The following UNC13B variants were observed in gnomAD, a reference collection of about 807,000 sequenced individuals.
UNC13B encodes protein unc-13 homolog B.
Under a neutral mutation model 211.0 loss-of-function variants are expected in UNC13B, and 144 were observed. That is an observed-to-expected ratio of 0.68 (90% CI 0.60 to 0.78). UNC13B has a LOEUF of 0.78. UNC13B is among the 30% of genes least tolerant of loss of function. The pLI, the probability that UNC13B is intolerant of heterozygous loss-of-function variation, is 0.00. For missense variants in UNC13B, 1,777 were observed against 2,002.0 expected (o/e 0.89, Z 2.14); for synonymous variants, 709 against 725.8 (o/e 0.98, Z 0.37).
intron 7 of UNC13B, among the ~76,000 whole-genome samples, chr9:35,271,463 G>A (rs1026297573): frequency 3.9e-5 from 6 of 152,062 alleles, no homozygotes; most frequent in African/African-American, 1.4e-4. Context: ...AATCTGATTT[G>A]CATATTTGAT....
intron 6 of UNC13B, among the ~76,000 whole-genome samples, chr9:35,252,801 G>C (rs971750765): frequency 6.6e-6 from 1 of 151,996 alleles, no homozygotes; most frequent in East Asian, 2.0e-4. Flanking sequence ...GTGTTGGCAG[G>C]TGCCTGTAGT....
chr9:35,171,362 A>T (rs1177214060), intron 1 of UNC13B, among the ~76,000 whole-genome samples: 5 of 152,156 alleles, frequency 3.3e-5, no homozygotes, highest in Non-Finnish European at 1.5e-5. Flanking sequence ...TTGGCCTCCC[A>T]AAGTGTTGGG....
chr9:35,385,409 AAAG>A (rs1835124073), intron 22 of UNC13B: 10 of 985,418 alleles, frequency 1.0e-5, no homozygotes, highest in Non-Finnish European at 1.2e-5. Context: ...ATCCAAGAAA[AAAG>A]CATGTGTGTA....
chr9:35,179,513 A>G (rs1234160291), intron 1 of UNC13B, among the ~76,000 whole-genome samples: 1 of 152,130 alleles, frequency 6.6e-6, no homozygotes, highest in Non-Finnish European at 1.5e-5. Context: ...TCTTCTGGCC[A>G]GGTGCAGTGG....
At chr9:35,269,038 C>T (rs1361828911) in intron 7 of UNC13B, among the ~76,000 whole-genome samples, 1 of 152,188 alleles carries the variant, frequency 6.6e-6, no homozygotes, top group Non-Finnish European at 1.5e-5. Context: ...CTAACATCAA[C>T]TGAGTGTCTC....
chr9:35,262,881 C>T (rs981734620), intron 7 of UNC13B, among the ~76,000 whole-genome samples: 1 of 151,952 alleles, frequency 6.6e-6, no homozygotes, highest in Non-Finnish European at 1.5e-5. Context: ...TGCAGTGAGC[C>T]GTGATCATGC....
rs575935346 is a variant in UNC13B at position 35,306,971 on chromosome 9, A to C, written c.7567A>C (p.Lys2523Gln). 2.5e-6 allele frequency: 1 copy of C among 398,918 alleles called. No homozygotes were observed. The highest frequency in any genetic ancestry group is 4.4e-6 in the Non-Finnish European group (1 of 226,080). 24.7% of individuals were successfully genotyped at this position (398,918 alleles called of 1,614,324 possible). The change falls in exon 9 of 40, where the codon AAA (lysine) becomes CAA (glutamine). Residue 2523 changes from lysine to glutamine, a missense_variant. Transcript: ENST00000635942. ...IFKSPKPEPY[K>Q]QESSLPATSW... Reference sequence around the variant, plus strand: ...CAAAAGTCCCAAGCCAGAGCCATACAAACAAGAATCATCTCTCCCAGCTAC... The same window carrying C: ...CAAAAGTCCCAAGCCAGAGCCATACCAACAAGAATCATCTCTCCCAGCTAC...
chr9:35,400,358 G>A lies in UNC13B; in HGVS notation c.12399G>A (p.Leu4133=). The A allele has an allele frequency of 6.2e-7, 1 of 1,614,128 alleles. No homozygotes were observed. Among genetic ancestry groups the A allele is most frequent in the Non-Finnish European group, 8.5e-7 (1 of 1,179,992 alleles). Residue 4133 remains leucine (L), a synonymous_variant, in exon 37 of 40, where the codon CTG becomes CTA. Coordinates refer to ENST00000635942, the MANE Select transcript of UNC13B (RefSeq NM_001371189.2). ...CCTTCCTGGAGAAGAGCCCAGATCT[G>A]CAGTCTCTACGCTATGCCCTGTCTC... is the stretch of plus-strand genomic sequence containing the variant. ...KKTFLEKSPD[L]QSLRYALSLY...
chr9:35,404,187 T>C lies in UNC13B; in HGVS notation c.*154T>C. ...GGAAAAATTTGGGGTGGTGATAATA[T>C]GGCTTTTCACAGAAAGGGTCATGAA... On this transcript the variant is annotated 3_prime_UTR_variant, in exon 40 of 40. Transcript: ENST00000635942. The C allele has an allele frequency of 4.8e-6, 5 of 1,034,150 alleles. No homozygotes were observed. Among genetic ancestry groups the C allele is most frequent in the Non-Finnish European group, 5.5e-6 (4 of 732,828 alleles). 64.1% of individuals were successfully genotyped at this position (1,034,150 alleles called of 1,614,324 possible). A position where few individuals can be genotyped will look rare whatever the true frequency, so the allele number is the denominator to read the frequency against.
Position 35,306,730 on chromosome 9 carries a change from A to G in UNC13B, c.7326A>G (p.Ala2442=). 1 of 399,084 alleles carries G rather than the reference A, an allele frequency of 2.5e-6. No individual in the cohort carries two copies. The highest frequency in any genetic ancestry group is 4.4e-6 in the Non-Finnish European group (1 of 226,070). 24.7% of individuals were successfully genotyped at this position (399,084 alleles called of 1,614,324 possible). ...GCAGNLQNQD[A]DKEEDKFALG... ...CAGGGAACCTTCAGAACCAAGATGC[A>G]GATAAAGAGGAAGACAAATTTGCAT... Residue 2442 remains alanine, a synonymous_variant, in exon 9 of 40, where the codon GCA becomes GCG. Coordinates refer to ENST00000635942, the MANE Select transcript of UNC13B (RefSeq NM_001371189.2).
In UNC13B at chr9:35,328,646, TCCTTCCTTCCTTCCTTCCTC is replaced by T. The variant is rs771740856; in HGVS notation, c.9414+14661_9414+14680del. On this transcript the variant is annotated intron_variant, in intron 11 of 39. Coordinates refer to ENST00000635942, the MANE Select transcript of UNC13B (RefSeq NM_001371189.2). ...TTCCTTCCTTCCTTCCTTCCTTCCTTCCTTCCTTCCTTCCTTCCTCCCTCCCTTCCTTCCCTTCCCTTTCT... is the reference window on the plus strand; with the variant it reads ...TTCCTTCCTTCCTTCCTTCCTTCCTTCCTCCCTTCCTTCCCTTCCCTTTCT... 9.8e-4 allele frequency among the ~76,000 whole-genome samples: 82 copies of T among 83,982 alleles called. 5 individuals carry two copies. Among genetic ancestry groups the T allele is most frequent in the African/African-American group, 2.9e-3 (59 of 20,058 alleles). 55.1% of individuals were successfully genotyped at this position (83,982 alleles called of 152,430 possible).
rs112890425 is a variant in UNC13B, at chr9:35,368,188, T to G, written c.9461+1195T>G. Among the ~76,000 whole-genome samples the G allele has an allele frequency of 8.5e-3, 1,292 of 152,320 alleles. 7 individuals carry two copies. The highest frequency in any genetic ancestry group is 0.029 in the African/African-American group (1,222 of 41,566). Reference sequence around the variant, plus strand: ...CCCAAGTACTATAACAATAGTTATTTTTTCTGCTCCTCTCCCTCCTCCTAC... The same window carrying G: ...CCCAAGTACTATAACAATAGTTATTGTTTCTGCTCCTCTCCCTCCTCCTAC... On this transcript the variant is annotated intron_variant, in intron 12 of 39. Transcript: ENST00000635942.
rs367864040 is a variant in UNC13B, at chr9:35,333,901, C to G, written c.9414+19912C>G. ...CAGGAGCTCTGTCATTTGGAACAAA[C>G]TTGGGAATGAAAAGTCAGGTTGAGA... On this transcript the variant is annotated intron_variant, in intron 11 of 39. Coordinates refer to ENST00000635942, the MANE Select transcript of UNC13B (RefSeq NM_001371189.2). 7.3e-4 allele frequency among the ~76,000 whole-genome samples: 111 copies of G among 152,166 alleles called. 1 individual carries two copies. In the South Asian group the frequency reaches 0.018, roughly 25 times the overall value.
In UNC13B at chr9:35,256,616, A is replaced by G. The variant is rs148129837; in HGVS notation, c.469-2377A>G. 3.9e-5 allele frequency among the ~76,000 whole-genome samples: 6 copies of G among 152,178 alleles called. No homozygotes were observed. The East Asian group carries it at 1.2e-3, about 29-fold the overall frequency. ...TAGTTTTTCTCTTTTGATCTGTTTAATATGGTGAATTATATGAGTAGATTT... is the reference window on the plus strand; with the variant it reads ...TAGTTTTTCTCTTTTGATCTGTTTAGTATGGTGAATTATATGAGTAGATTT... On this transcript the variant is annotated intron_variant, in intron 6 of 39. Coordinates refer to ENST00000635942, the MANE Select transcript of UNC13B (RefSeq NM_001371189.2).
At chr9:35,365,169 C>G (rs1358911675) in intron 11 of UNC13B, among the ~76,000 whole-genome samples, 2 of 152,234 alleles carry the variant, frequency 1.3e-5, no homozygotes. Context: ...CCTGTGCTTG[C>G]AAGCACTGGC....
chr9:35,223,200 A>G (rs1295378098), intron 1 of UNC13B, among the ~76,000 whole-genome samples: 3 of 152,172 alleles, frequency 2.0e-5, no homozygotes, highest in Non-Finnish European at 4.4e-5. Context: ...TTTCCTTTGG[A>G]TAAATACCCA....
intron 11 of UNC13B, among the ~76,000 whole-genome samples, chr9:35,354,792 G>A (rs1187363209): frequency 6.6e-6 from 1 of 152,156 alleles, no homozygotes; most frequent in Non-Finnish European, 1.5e-5. Flanking sequence ...CGTTGCTGGT[G>A]GGATGGGAGT....
intron 7 of UNC13B, among the ~76,000 whole-genome samples, chr9:35,264,241 G>A (rs1827446122): frequency 1.3e-5 from 2 of 152,138 alleles, no homozygotes; most frequent in East Asian, 1.9e-4. Flanking sequence ...TAGAGAATGT[G>A]TAATTAATCA....
At chr9:35,226,540 G>A (rs1824852301) in intron 1 of UNC13B, among the ~76,000 whole-genome samples, 1 of 152,228 alleles carries the variant, frequency 6.6e-6, no homozygotes, top group Admixed American at 6.5e-5. Flanking sequence ...CTCAGAAGTA[G>A]GGAAGCCGAC....
Sources: allele counts gnomAD v4.1 joint callset (sites outside exome capture counted in the v4.1 genomes callset), GRCh38; gene constraint gnomAD v4.1.1; transcripts MANE v1.5; gene names NCBI Gene and HGNC (gene_info 2026-07-23, HGNC 2026-07-21).